The following GARNL3 variants were observed in gnomAD, a reference collection of about 807,000 sequenced individuals.
GARNL3 encodes GTPase-activating Rap/Ran-GAP domain-like protein 3.
GARNL3 carries 63 observed loss-of-function variants against 125.0 expected under a neutral mutation model. The ratio of observed to expected loss-of-function variants is 0.50; its 90% CI spans 0.41 to 0.62. The LOEUF (loss-of-function observed/expected upper bound fraction) is 0.62. Ranked by LOEUF, GARNL3 falls within the 20% of genes least tolerant of loss-of-function variation. The pLI is 0.00. For missense variants in GARNL3, 994 were observed against 1,244.0 expected, an observed-to-expected ratio of 0.80 and a Z score of 3.02; for synonymous variants, 439 against 457.5, an observed-to-expected ratio of 0.96 and a Z score of 0.52.
chr9:127,270,035 G>GT (rs1463220389), intron 1 of GARNL3, among the ~76,000 whole-genome samples: 1 of 152,042 alleles, frequency 6.6e-6, no homozygotes, highest in African/African-American at 2.4e-5. Context: ...AGATTCTCTT[G>GT]TATGTTTTCT....
intron 6 of GARNL3, among the ~76,000 whole-genome samples, chr9:127,321,753 G>T (rs2065410885): frequency 6.6e-6 from 1 of 152,200 alleles, no homozygotes; most frequent in Non-Finnish European, 1.5e-5. Context: ...GGGTACGCCA[G>T]GGATGGGTGA....
intron 1 of GARNL3, among the ~76,000 whole-genome samples, chr9:127,275,869 A>G (rs1195921559): frequency 1.3e-5 from 2 of 152,188 alleles, no homozygotes; most frequent in African/African-American, 2.4e-5. Context: ...GGTCTATTGC[A>G]GTTATCGTTG....
chr9:127,354,452 T>C, intron 19 of GARNL3, 42 bp downstream of exon 19: 1 of 1,233,964 alleles, frequency 8.1e-7, no homozygotes, highest in Non-Finnish European at 1.2e-6. Flanking sequence ...TTCGTTTTTT[T>C]TTTTCCTCAG....
In GARNL3 at chr9:127,390,780, A is replaced by C. The variant is rs369999698; in HGVS notation, c.2870+13A>C. The C allele has an allele frequency of 3.7e-5, 59 of 1,611,318 alleles. No individual in the cohort carries two copies. The highest frequency in any genetic ancestry group is 4.1e-5 in the Non-Finnish European group (48 of 1,178,736). On this transcript the variant is annotated intron_variant, in intron 27 of 27. Coordinates refer to ENST00000373387, the MANE Select transcript of GARNL3 (RefSeq NM_032293.5). ...CTAGCAGTGACAGGTAAAGAGAGGG[A>C]GAGGCCCCTGCTTGGGGTGGTGGAC... is the stretch of plus-strand genomic sequence containing the variant.
chr9:127,264,893 T>C lies in GARNL3; in HGVS notation c.16T>C (p.Cys6Arg). 6.3e-7 allele frequency: 1 copy of C among 1,584,056 alleles called. No homozygotes were observed. The highest frequency in any genetic ancestry group is 8.6e-7 in the Non-Finnish European group (1 of 1,162,186). MVVDF[C>R]RRFVARSLCI... ...CTTTTTGCAAATGGTAGTTGATTTT[T>C]GCAGAAGGTTTGTGGCCAGATCGCT... The change falls in exon 1 of 28, where the codon TGC (cysteine) becomes CGC (arginine). Residue 6 changes from cysteine to arginine, a missense_variant. Physicochemically the swap from Cys to Arg is radical, Grantham distance 180. This residue lies in a region of GARNL3 where 37 missense variants were observed against 34.2 expected (regional missense o/e 1.08). Coordinates refer to ENST00000373387, the MANE Select transcript of GARNL3 (RefSeq NM_032293.5).
In GARNL3 at chr9:127,353,899, C is replaced by T. The variant is rs370851663; in HGVS notation, c.1597C>T (p.His533Tyr). The T allele has an allele frequency of 5.6e-6, 9 of 1,613,852 alleles. No individual in the cohort carries two copies. Among genetic ancestry groups the T allele is most frequent in the Non-Finnish European group, 7.6e-6 (9 of 1,179,764 alleles). The change falls in exon 18 of 28, where the codon CAT becomes TAT. Residue 533 changes from histidine (H) to tyrosine (Y), a missense_variant. By Grantham distance (83) the His-to-Tyr change is moderately conservative. This residue lies in a region of GARNL3 where 728 missense variants were observed against 865.7 expected (regional missense o/e 0.84). Coordinates refer to ENST00000373387, the MANE Select transcript of GARNL3 (RefSeq NM_032293.5). The part of the protein sequence containing the change: ...FDRTLPVKQM[H>Y]VLETLDLLVL... ...CAGAACTCTGCCAGTGAAGCAAATGCATGTGCTTGAGACCCTGGACCTTCT... is the reference window on the plus strand; with the variant it reads ...CAGAACTCTGCCAGTGAAGCAAATGTATGTGCTTGAGACCCTGGACCTTCT...
chr9:127,290,941 C>G (rs1053117344), intron 1 of GARNL3, among the ~76,000 whole-genome samples: 100 of 29,458 alleles, frequency 3.4e-3, no homozygotes, highest in Non-Finnish European at 7.1e-3. Context: ...ATGTGATGCT[C>G]TTGTTTTTCC....
Position 127,384,438 on chromosome 9 carries a change from G to C in GARNL3, c.2270-589G>C, listed in dbSNP as rs552373213. 2.0e-4 allele frequency among the ~76,000 whole-genome samples: 30 copies of C among 152,294 alleles called. No homozygotes were observed. The highest frequency in any genetic ancestry group is 1.9e-3 in the Admixed American group (29 of 15,306). On this transcript the variant is annotated intron_variant, in intron 23 of 27. Transcript: ENST00000373387. This position sits in a 1 kb window ranked among gnomAD's most constrained non-coding sequence, Gnocchi z 4.0. ...GGGCAGGCACAGTGCCTGGAAGCCA[G>C]TGTGTCATCCAAATCATTTCAAGCA...
intron 1 of GARNL3, among the ~76,000 whole-genome samples, chr9:127,228,647 G>A (rs1377330213): frequency 2.6e-5 from 4 of 152,072 alleles, no homozygotes; most frequent in African/African-American, 9.7e-5. Context: ...TTGAATTGAA[G>A]CACTTTTTAT....
At chr9:127,359,611 T>C (rs1470287853) in intron 21 of GARNL3, among the ~76,000 whole-genome samples, 1 of 152,232 alleles carries the variant, frequency 6.6e-6, no homozygotes, top group African/African-American at 2.4e-5. Flanking sequence ...GGCAGCTAGT[T>C]TCCTAAGACT....
At chr9:127,262,188 T>A (rs2063608133), upstream of GARNL3, among the ~76,000 whole-genome samples, 1 of 152,216 alleles carries the variant, frequency 6.6e-6, no homozygotes. Context: ...TACTTCTGTA[T>A]TAGTTCAGGT....
chr9:127,354,582 C>T (rs976158654), intron 19 of GARNL3, among the ~76,000 whole-genome samples, 172 bp downstream of exon 19: 4 of 152,102 alleles, frequency 2.6e-5, no homozygotes, highest in Non-Finnish European at 5.9e-5. Flanking sequence ...GAAAGCTAGA[C>T]AAACACATTG....
At chr9:127,301,094 G>A (rs1028143834) in intron 2 of GARNL3, 10 of 159,878 alleles carry the variant, frequency 6.3e-5, no homozygotes, top group African/African-American at 2.2e-4. Context: ...GCCCCAGACT[G>A]TAAGTCTGAG....
intron 19 of GARNL3, among the ~76,000 whole-genome samples, chr9:127,354,619 C>T (rs144123352): frequency 6.6e-6 from 1 of 152,284 alleles, no homozygotes; most frequent in African/African-American, 2.4e-5. Context: ...CTAGGCCTTG[C>T]ATAACAGGTT....
rs139505914 is a variant in GARNL3 at position 127,309,962 on chromosome 9, A to G, written c.220-1674A>G. On this transcript the variant is annotated intron_variant, in intron 2 of 27. Transcript: ENST00000373387. ...AAGCTGCAATAGAGTGACATCAGTC[A>G]TGCGGGAAAACTGACATCTAACACA... is the stretch of plus-strand genomic sequence containing the variant. Among the ~76,000 whole-genome samples the G allele has an allele frequency of 2.7e-3, 409 of 152,340 alleles. 2 individuals are homozygous for G. The highest frequency in any genetic ancestry group is 9.2e-3 in the African/African-American group (383 of 41,570).
intron 10 of GARNL3, 78 bp downstream of exon 10, chr9:127,335,411 G>T (rs1829496662): frequency 1.7e-6 from 2 of 1,156,500 alleles, no homozygotes; most frequent in African/African-American, 1.5e-5. Flanking sequence ...AGAATTAGGG[G>T]CTATGCCGGT....
chr9:127,227,268 CT>C (rs2062929268), intron 1 of GARNL3, among the ~76,000 whole-genome samples: 1 of 152,130 alleles, frequency 6.6e-6, no homozygotes, highest in Admixed American at 6.5e-5. Context: ...ATCTTATCAG[CT>C]GTAGGATAAT....
Position 127,357,430 on chromosome 9 carries a change from T to C in GARNL3, c.2094+53T>C, listed in dbSNP as rs1055312377. ...AGAATCAGAAAAGAGTAATCATCGT[T>C]GTGTATTCTAACCCTGACATGCCAT... is the stretch of plus-strand genomic sequence containing the variant. On this transcript the variant is annotated intron_variant, in intron 21 of 27. Transcript: ENST00000373387. 13 of 1,554,790 alleles carry C rather than the reference T, an allele frequency of 8.4e-6. No homozygotes were observed. The Admixed American group carries it at 2.2e-4, about 27-fold the overall frequency.
At chr9:127,327,462 AAG>A (rs1254869871) in intron 7 of GARNL3, among the ~76,000 whole-genome samples, 3 of 152,202 alleles carry the variant, frequency 2.0e-5, no homozygotes, top group Non-Finnish European at 4.4e-5. Context: ...AAATACAAAG[AAG>A]GGGCTGAAAG....
Sources: allele counts gnomAD v4.1 joint callset (sites outside exome capture counted in the v4.1 genomes callset), GRCh38; gene constraint gnomAD v4.1.1; regional missense constraint gnomAD v4.1.1; non-coding constraint Gnocchi (gnomAD v3.1); transcripts MANE v1.5; gene names NCBI Gene and HGNC (gene_info 2026-07-23, HGNC 2026-07-21).